NTN4: variants seen among roughly 807,000 people sequenced by gnomAD.
NTN4 encodes netrin 4, also known as netrin-4.
Under a neutral mutation model 73.6 loss-of-function variants are expected in NTN4, and 32 were observed. That is an observed-to-expected ratio of 0.44 (90% CI 0.33 to 0.58). The LOEUF (loss-of-function observed/expected upper bound fraction) is 0.58. Among genes scored for constraint, NTN4 ranks in the 20% least tolerant of loss-of-function variants. NTN4 has a pLI of 0.04. For synonymous variants in NTN4, 258 were observed against 287.5 expected (o/e 0.90, Z 1.04); for missense variants, 654 against 798.3 (o/e 0.82, Z 2.18).
Position 95,746,751 on chromosome 12 carries a change from G to A in NTN4, c.586-8607C>T, listed in dbSNP as rs973024466. On this transcript the variant is annotated intron_variant, in intron 2 of 9. Coordinates refer to ENST00000343702, the MANE Select transcript of NTN4 (RefSeq NM_021229.4). ...GAGTCCTTAAGTCAGGAAATCCATC[G>A]AGCTCTATCTAGGTTCCTCTTCCCT... Among the ~76,000 whole-genome samples the A allele has an allele frequency of 5.3e-4, 80 of 152,072 alleles. 3 individuals are homozygous for A. Among genetic ancestry groups the A allele is most frequent in the Admixed American group, 5.9e-4 (9 of 15,264 alleles).
In NTN4 at chr12:95,659,196, C is replaced by T. The variant is rs974909872; in HGVS notation, c.1777G>A (p.Glu593Lys). 4.3e-6 allele frequency: 7 copies of T among 1,613,460 alleles called. No homozygotes were observed. Among genetic ancestry groups the T allele is most frequent in the Middle Eastern group, 1.6e-4 (1 of 6,078 alleles). The change falls in exon 10 of 10, where the codon GAG becomes AAG. Residue 593 changes from glutamate to lysine, a missense_variant. Coordinates refer to ENST00000343702, the MANE Select transcript of NTN4 (RefSeq NM_021229.4). ...PGLEYLVAGHEDIRTGKLIVN... is the reference protein window; with the variant it reads ...PGLEYLVAGHKDIRTGKLIVN... Reference sequence around the variant, plus strand: ...ATTAGTTTGCCTGTTCTTATATCCTCATGTCCTGCTACAAGGTATTCCAAA... The same window carrying T: ...ATTAGTTTGCCTGTTCTTATATCCTTATGTCCTGCTACAAGGTATTCCAAA...
chr12:95,701,485 C>G (rs888921471), intron 5 of NTN4, among the ~76,000 whole-genome samples: 1 of 152,010 alleles, frequency 6.6e-6, no homozygotes, highest in Non-Finnish European at 1.5e-5. Flanking sequence ...AAAAAACAAA[C>G]AACATCCCTG....
chr12:95,748,230 C>CAAAAAAAAAAAA (rs769213172), intron 2 of NTN4, among the ~76,000 whole-genome samples: 3 of 76,534 alleles, frequency 3.9e-5, no homozygotes, highest in African/African-American at 1.0e-4. Flanking sequence ...GACTCTGTCT[C>CAAAAAAAAAAAA]AAAAAAAAAA....
chr12:95,735,946 TTTA>T (rs1259047966), intron 3 of NTN4, among the ~76,000 whole-genome samples: 33 of 149,490 alleles, frequency 2.2e-4, no homozygotes, highest in African/African-American at 5.7e-4. Context: ...TATTTATTTA[TTTA>T]TTTTTTTGAG....
intron 2 of NTN4, among the ~76,000 whole-genome samples, chr12:95,782,557 GC>G (rs2121298685): frequency 6.6e-6 from 1 of 152,258 alleles, no homozygotes; most frequent in African/African-American, 2.4e-5. Context: ...CTCCCAAAGT[GC>G]TGGGATTACA....
Position 95,683,488 on chromosome 12 carries a change from G to A in NTN4, c.1394+10C>T, listed in dbSNP as rs764443790. 37 of 1,610,354 alleles carry A rather than the reference G, an allele frequency of 2.3e-5. No homozygotes were observed. The South Asian group carries it at 3.8e-4, about 17-fold the overall frequency. Reference sequence around the variant, plus strand: ...ACATGCAGCTGAGAGCAAGAGCCTTGCACATTCACCTGCTGATGCAGTCTC... The same window carrying A: ...ACATGCAGCTGAGAGCAAGAGCCTTACACATTCACCTGCTGATGCAGTCTC... On this transcript the variant is annotated intron_variant, in intron 6 of 9. Coordinates refer to ENST00000343702, the MANE Select transcript of NTN4 (RefSeq NM_021229.4).
rs563578440 is a variant in NTN4, at chr12:95,677,005, G to C, written c.1510+5702C>G. 6.6e-5 allele frequency among the ~76,000 whole-genome samples: 10 copies of C among 152,304 alleles called. No homozygotes were observed. The South Asian group carries it at 2.1e-3, about 32-fold the overall frequency. ...TAATCCCAGCACTTCGGGAGGCTGA[G>C]GTGGGTGGATCTTAAGGTCAGGAGA... On this transcript the variant is annotated intron_variant, in intron 7 of 9. Coordinates refer to ENST00000343702, the MANE Select transcript of NTN4 (RefSeq NM_021229.4).
intron 8 of NTN4, among the ~76,000 whole-genome samples, chr12:95,666,484 T>C (rs2078181144): frequency 6.6e-6 from 1 of 152,210 alleles, no homozygotes; most frequent in African/African-American, 2.4e-5. Context: ...ACTGGCTTTA[T>C]CTCGTTTATC....
rs2079196616 is a variant in NTN4, at chr12:95,790,036, T to G, written c.55+219A>C. 2.2e-6 allele frequency: 1 copy of G among 446,350 alleles called. No homozygotes were observed. Among genetic ancestry groups the G allele is most frequent in the Admixed American group, 4.3e-5 (1 of 23,218 alleles). The allele number at this position is 446,350 out of a possible 1,614,324, so 27.6% of individuals were successfully genotyped here. ...CCCGGCAGGGCGCACCCAGGATAGC[T>G]GGTTATCCAAGCGCATGTGTATCCC... is the stretch of plus-strand genomic sequence containing the variant. On this transcript the variant is annotated intron_variant, in intron 1 of 9. Transcript: ENST00000343702. This position sits in a 1 kb window ranked among gnomAD's most constrained non-coding sequence, Gnocchi z 6.5.
intron 2 of NTN4, among the ~76,000 whole-genome samples, chr12:95,752,426 T>C (rs1471146851): frequency 2.0e-5 from 3 of 151,278 alleles, no homozygotes. Context: ...ATGCTTTCTT[T>C]ACTATTCCTT....
chr12:95,770,221 G>T (rs1321601968), intron 2 of NTN4, among the ~76,000 whole-genome samples: 1 of 152,190 alleles, frequency 6.6e-6, no homozygotes, highest in Non-Finnish European at 1.5e-5. Flanking sequence ...AGTAAGAAAG[G>T]TGGGATGTAG....
rs890674326 is a variant in NTN4 at position 95,781,789 on chromosome 12, C to T, written c.585+5150G>A. Reference sequence around the variant, plus strand: ...ACCTTCCCCTGCCAGCATTCCCCATCCCCTCCCCTGTTTTGTTTTCTCTCC... The same window carrying T: ...ACCTTCCCCTGCCAGCATTCCCCATTCCCTCCCCTGTTTTGTTTTCTCTCC... On this transcript the variant is annotated intron_variant, in intron 2 of 9. Transcript: ENST00000343702. This position sits in a 1 kb window ranked among gnomAD's most constrained non-coding sequence, Gnocchi z 4.1. Among the ~76,000 whole-genome samples the T allele has an allele frequency of 6.6e-6, 1 of 151,970 alleles. No individual in the cohort carries two copies. Among genetic ancestry groups the T allele is most frequent in the South Asian group, 2.1e-4 (1 of 4,808 alleles).
chr12:95,682,057 C>CTTTTTTTGTTTTTTTTTTTTTT (rs2078320579), intron 7 of NTN4, among the ~76,000 whole-genome samples: 1 of 64,546 alleles, frequency 1.5e-5, no homozygotes, highest in Non-Finnish European at 2.6e-5. Flanking sequence ...ATTCAGTAGG[C>CTTTTTTTGTTTTTTTTTTTTTT]TTTTTTTTTT....
chr12:95,737,868 T>C lies in NTN4; in HGVS notation c.862A>G (p.Met288Val), dbSNP rs1443320430. ...AGGGGAGGACTTGTTTCACCTACCATGTGGAATGTTCCTGGGGCCTTGACA... is the reference window on the plus strand; with the variant it reads ...AGGGGAGGACTTGTTTCACCTACCACGTGGAATGTTCCTGGGGCCTTGACA... Reference protein sequence around the residue: ...RPVKAPGTFHMVHGKCMCKHN... With the variant: ...RPVKAPGTFHVVHGKCMCKHN... The change falls in exon 3 of 10, where the codon ATG (methionine) becomes GTG (valine). Residue 288 changes from methionine (M) to valine (V), a missense_variant and splice_region_variant. Met to Val is a conservative substitution (Grantham distance 21). Transcript: ENST00000343702. 3 of 1,606,512 alleles carry C rather than the reference T, an allele frequency of 1.9e-6. No individual in the cohort carries two copies. The highest frequency in any genetic ancestry group is 1.1e-5 in the South Asian group (1 of 90,408).
chr12:95,726,697 T>A (rs921920158), intron 3 of NTN4, among the ~76,000 whole-genome samples: 10 of 152,116 alleles, frequency 6.6e-5, no homozygotes, highest in African/African-American at 2.4e-4. Context: ...GCATGGTGGT[T>A]CACGCCTGTA....
chr12:95,785,753 C>A (rs1356240975), intron 2 of NTN4, among the ~76,000 whole-genome samples: 1 of 152,176 alleles, frequency 6.6e-6, no homozygotes, highest in Non-Finnish European at 1.5e-5. Flanking sequence ...ACACAACTAC[C>A]TGGGAAGTCT....
intron 2 of NTN4, among the ~76,000 whole-genome samples, chr12:95,779,833 G>A (rs1325251628): frequency 6.6e-6 from 1 of 152,160 alleles, no homozygotes; most frequent in African/African-American, 2.4e-5. Flanking sequence ...AACCAAAAAA[G>A]AGCCTGCATT....
chr12:95,685,732 C>G (rs1048812049), intron 5 of NTN4, among the ~76,000 whole-genome samples: 3 of 152,152 alleles, frequency 2.0e-5, no homozygotes, highest in Non-Finnish European at 4.4e-5. Context: ...TACCTAGGCT[C>G]TCATCTCAGT....
chr12:95,662,739 A>G lies in NTN4; in HGVS notation c.1750+3071T>C, dbSNP rs1024328475. ...CAATATTTAATTAACAGACTAGTTAAAAATATAATAGCCTTAAATTGTTTG... is the reference window on the plus strand; with the variant it reads ...CAATATTTAATTAACAGACTAGTTAGAAATATAATAGCCTTAAATTGTTTG... On this transcript the variant is annotated intron_variant, in intron 9 of 9. Transcript: ENST00000343702. Among the ~76,000 whole-genome samples, 3 of 152,346 alleles carry G rather than the reference A, an allele frequency of 2.0e-5. No individual in the cohort carries two copies. In the East Asian group the frequency reaches 5.8e-4, roughly 29 times the overall value.
Sources: gnomAD v4.1 joint callset for allele counts (sites outside exome capture counted in the v4.1 genomes callset) on GRCh38, gnomAD v4.1.1 for gene constraint, Gnocchi (gnomAD v3.1) non-coding constraint, MANE v1.5 for transcripts, NCBI Gene and HGNC (gene_info 2026-07-23, HGNC 2026-07-21) for gene names.